MAPK9: variants seen among roughly 807,000 people sequenced by gnomAD.
MAPK9 encodes the protein mitogen-activated protein kinase 9.
A neutral mutation model predicts 57.1 loss-of-function variants in MAPK9; 30 were observed. The observed-to-expected ratio is 0.53, with a 90% CI of 0.39 to 0.71. MAPK9 has a LOEUF of 0.71. Among genes scored for constraint, MAPK9 ranks in the 30% least tolerant of loss-of-function variants. The probability of loss-of-function intolerance (pLI) is 0.00; values close to 1 mark genes in which losing one functional copy is unlikely to be tolerated. For synonymous variants in MAPK9, 155 were observed against 177.0 expected (o/e 0.88, Z 0.99); for missense variants, 362 against 521.0 (o/e 0.69, Z 2.97).
intron 4 of MAPK9, among the ~76,000 whole-genome samples, chr5:180,264,256 A>G (rs1200073239): frequency 1.3e-5 from 2 of 152,202 alleles, no homozygotes. Flanking sequence ...CAAGTCCCAG[A>G]GAGTGCCCAG....
At chr5:180,274,753 A>G (rs7708873) in intron 2 of MAPK9, among the ~76,000 whole-genome samples, 26,577 of 152,158 alleles carry the variant, frequency 0.17, 2,969 homozygotes, top group Non-Finnish European at 0.25. Context: ...CTATGAGATA[A>G]TCAATAGGTG....
chr5:180,247,519 A>G lies in MAPK9; in HGVS notation c.617-9T>C. Reference sequence around the variant, plus strand: ...CACTGACCAGATATCAACTGAAAATAAAATGAAATGATAAAATTATGAAGT... The same window carrying G: ...CACTGACCAGATATCAACTGAAAATGAAATGAAATGATAAAATTATGAAGT... On this transcript the variant is annotated splice_polypyrimidine_tract_variant and intron_variant, in intron 6 of 11. Coordinates refer to ENST00000452135, the MANE Select transcript of MAPK9 (RefSeq NM_002752.5). This position sits in a 1 kb window ranked among gnomAD's most constrained non-coding sequence, Gnocchi z 4.5. The G allele has an allele frequency of 6.2e-7, 1 of 1,611,172 alleles. No homozygotes were observed. The highest frequency in any genetic ancestry group is 1.1e-5 in the South Asian group (1 of 90,926).
At chr5:180,278,631 G>A (rs536071960) in intron 2 of MAPK9, among the ~76,000 whole-genome samples, 9 of 152,168 alleles carry the variant, frequency 5.9e-5, no homozygotes, top group Non-Finnish European at 1.0e-4. Flanking sequence ...CCCAGGAGGC[G>A]GAGGCTACAG....
chr5:180,276,583 C>T (rs1281785628), intron 2 of MAPK9, among the ~76,000 whole-genome samples: 3 of 152,156 alleles, frequency 2.0e-5, no homozygotes, highest in Non-Finnish European at 2.9e-5. Flanking sequence ...AGGCCAGGCG[C>T]GGTGGCTCAT....
At chr5:180,276,687 C>G (rs1761848450) in intron 2 of MAPK9, among the ~76,000 whole-genome samples, 2 of 152,096 alleles carry the variant, frequency 1.3e-5, no homozygotes, top group East Asian at 1.9e-4. Flanking sequence ...AACCCCATCT[C>G]TACTAAAATA....
chr5:180,254,894 C>T (rs981092513), intron 5 of MAPK9, among the ~76,000 whole-genome samples: 4 of 152,042 alleles, frequency 2.6e-5, no homozygotes, highest in African/African-American at 7.2e-5. Context: ...ATTAGCTGGG[C>T]GTGGTGGCGG....
intron 1 of MAPK9, among the ~76,000 whole-genome samples, chr5:180,291,478 G>A (rs546986692): frequency 6.6e-6 from 1 of 152,302 alleles, no homozygotes; most frequent in Admixed American, 6.5e-5. Context: ...CCTTCCCGAA[G>A]GCAAAACCGC....
chr5:180,261,728 G>A lies in MAPK9; in HGVS notation c.406C>T (p.Leu136Phe). ...ERMSYLLYQM[L>F]CGIKHLHSAG... ...GAATGCAGATGTTTAATACCACAAA[G>A]CATCTGGTAAAGAAGGTAGGACATT... is the stretch of plus-strand genomic sequence containing the variant. The change falls in exon 5 of 12, where the codon CTT (leucine) becomes TTT (phenylalanine). Residue 136 changes from leucine to phenylalanine, a missense_variant. By Grantham distance (22) the Leu-to-Phe change is conservative. Coordinates refer to ENST00000452135, the MANE Select transcript of MAPK9 (RefSeq NM_002752.5). The A allele has an allele frequency of 6.2e-7, 1 of 1,612,296 alleles. No homozygotes were observed. Among genetic ancestry groups the A allele is most frequent in the Non-Finnish European group, 8.5e-7 (1 of 1,178,756 alleles).
chr5:180,241,155 G>C lies in MAPK9; in HGVS notation c.872C>G (p.Thr291Arg). Residue 291 changes from threonine to arginine, a missense_variant and splice_region_variant, in exon 9 of 12, where the codon ACA (threonine) becomes AGA (arginine). Physicochemically the swap from Thr to Arg is moderately conservative, Grantham distance 71. Coordinates refer to ENST00000452135, the MANE Select transcript of MAPK9 (RefSeq NM_002752.5). The part of the protein sequence containing the change: ...PSESERDKIK[T>R]SQARDLLSKM... ...TGATAACAGATCTCTGGCTTGACTT[G>C]CTAGGGTGACAACAAATATTAAATT... 6.2e-7 allele frequency: 1 copy of C among 1,610,336 alleles called. No individual in the cohort carries two copies. Among genetic ancestry groups the C allele is most frequent in the Non-Finnish European group, 8.5e-7 (1 of 1,178,600 alleles).
At chr5:180,262,183 C>A (rs781708431) in intron 4 of MAPK9, among the ~76,000 whole-genome samples, 1 of 152,050 alleles carries the variant, frequency 6.6e-6, no homozygotes, top group Non-Finnish European at 1.5e-5. Context: ...ATGCTGAGAA[C>A]GGGGGAGGCT....
rs551963340 is a variant in MAPK9, at chr5:180,280,531, A to G, written c.31T>C (p.Tyr11His). Residue 11 changes from tyrosine (Y) to histidine (H), a missense_variant, in exon 2 of 12, where the codon TAT (tyrosine) becomes CAT (histidine). Tyr to His is a moderately conservative substitution (Grantham distance 83). Coordinates refer to ENST00000452135, the MANE Select transcript of MAPK9 (RefSeq NM_002752.5). ...GTTGAGTCTGCCACTTGCACACTAT[A>G]AAACTGACTGTCACATTTACTGTCG... The part of the protein sequence containing the change: MSDSKCDSQF[Y>H]SVQVADSTFT... The G allele has an allele frequency of 6.2e-7, 1 of 1,614,194 alleles. No individual in the cohort carries two copies. The highest frequency in any genetic ancestry group is 1.3e-5 in the African/African-American group (1 of 75,070).
Position 180,289,064 on chromosome 5 carries a change from T to C in MAPK9, c.-48+2784A>G, listed in dbSNP as rs1448172739. Among the ~76,000 whole-genome samples, 3 of 152,326 alleles carry C rather than the reference T, an allele frequency of 2.0e-5. No individual in the cohort carries two copies. In the East Asian group the frequency reaches 5.8e-4, roughly 29 times the overall value. The stretch of plus-strand genomic sequence containing the variant: ...AACCAAGTGTGAGGTGTAACTACTG[T>C]ATGTATGTAGACCAAAAATAGTTGC... On this transcript the variant is annotated intron_variant, in intron 1 of 11. Coordinates refer to ENST00000452135, the MANE Select transcript of MAPK9 (RefSeq NM_002752.5).
intron 2 of MAPK9, among the ~76,000 whole-genome samples, chr5:180,272,607 G>A (rs1436188554): frequency 2.0e-5 from 3 of 152,106 alleles, no homozygotes; most frequent in Admixed American, 2.0e-4. Context: ...GTTTATTTTT[G>A]CCTGTTTTTT....
At chr5:180,245,296 G>A (rs1040490036) in intron 7 of MAPK9, among the ~76,000 whole-genome samples, 3 of 152,076 alleles carry the variant, frequency 2.0e-5, no homozygotes, top group South Asian at 2.1e-4. Flanking sequence ...ACCCCTACCC[G>A]CCTGCTGGGG....
intron 5 of MAPK9, among the ~76,000 whole-genome samples, 166 bp downstream of exon 5, chr5:180,261,518 G>A (rs1190520314): frequency 6.6e-6 from 1 of 152,224 alleles, no homozygotes; most frequent in Non-Finnish European, 1.5e-5. Context: ...AGGCCAGGCG[G>A]CTCCACAGAT....
At chr5:180,260,849 T>C (rs1337118505) in intron 5 of MAPK9, among the ~76,000 whole-genome samples, 3 of 152,222 alleles carry the variant, frequency 2.0e-5, no homozygotes, top group Non-Finnish European at 4.4e-5. Context: ...ATTACATCAA[T>C]TCCATCTTTC....
chr5:180,242,511 G>T (rs1387602893), intron 8 of MAPK9, 62 bp downstream of exon 8: 1 of 1,451,848 alleles, frequency 6.9e-7, no homozygotes, highest in Admixed American at 1.9e-5. Context: ...ATACAAACAT[G>T]AAAGAGTGAA....
chr5:180,274,178 ATAATT>A (rs1423901343), intron 2 of MAPK9, among the ~76,000 whole-genome samples: 1 of 152,140 alleles, frequency 6.6e-6, no homozygotes, highest in Non-Finnish European at 1.5e-5. Context: ...TCCAGATATG[ATAATT>A]TAAAAGTTTT....
intron 3 of MAPK9, among the ~76,000 whole-genome samples, chr5:180,266,952 C>T (rs1192681723): frequency 6.6e-6 from 1 of 152,178 alleles, no homozygotes; most frequent in Non-Finnish European, 1.5e-5. Flanking sequence ...ATCTATCCAA[C>T]AACAGGCGGC....
Sources: allele counts gnomAD v4.1 joint callset (sites outside exome capture counted in the v4.1 genomes callset), GRCh38; gene constraint gnomAD v4.1.1; non-coding constraint Gnocchi (gnomAD v3.1); transcripts MANE v1.5; gene names NCBI Gene and HGNC (gene_info 2026-07-23, HGNC 2026-07-21).